SYCP2: variants seen among roughly 807,000 people sequenced by gnomAD.
The protein encoded by SYCP2 is synaptonemal complex protein 2.
Under a neutral mutation model 211.3 loss-of-function variants are expected in SYCP2, and 55 were observed. That is an observed-to-expected ratio of 0.26 (90% CI 0.21 to 0.33). The LOEUF (loss-of-function observed/expected upper bound fraction) is 0.33. SYCP2 is among the 10% of genes least tolerant of loss of function. The pLI is 1.00. For missense variants in SYCP2, 1,731 were observed against 1,752.0 expected (o/e 0.99, Z 0.21); for synonymous variants, 570 against 555.2 (o/e 1.03, Z -0.37).
At position 59,877,455 on chromosome 20, in the gene SYCP2, T is replaced by A. The variant is rs756921080; in HGVS notation, c.3080A>T (p.Asp1027Val). The A allele has an allele frequency of 3.7e-6, 6 of 1,605,894 alleles. No individual in the cohort carries two copies. The highest frequency in any genetic ancestry group is 4.2e-6 in the Non-Finnish European group (5 of 1,177,900). Residue 1027 changes from aspartate (D) to valine (V), a missense_variant, in exon 33 of 45, where the codon GAT becomes GTT. This residue lies in a region of SYCP2 where 1,387 missense variants were observed against 1,351.3 expected (regional missense o/e 1.03). Coordinates refer to ENST00000357552, the MANE Select transcript of SYCP2 (RefSeq NM_014258.4). ...ACACTCTGATTCTGAATTTGAGAGATCTTTATAGTTTTTTTTTGTTTTGGT... is the reference window on the plus strand; with the variant it reads ...ACACTCTGATTCTGAATTTGAGAGAACTTTATAGTTTTTTTTTGTTTTGGT... ...KATKTKKNYK[D>V]LSNSESECEQ...
intron 22 of SYCP2, 90 bp downstream of exon 22, chr20:59,893,052 C>A (rs1437987266): frequency 3.4e-6 from 3 of 883,320 alleles, no homozygotes; most frequent in Non-Finnish European, 3.5e-6. Context: ...TAATTCTAAT[C>A]ATATACAGTC....
chr20:59,865,896 CT>C, intron 41 of SYCP2, 31 bp from the exon 42 acceptor site: 1 of 1,010,644 alleles, frequency 9.9e-7, no homozygotes, highest in Non-Finnish European at 1.4e-6. Flanking sequence ...TTATTTAGTC[CT>C]AAATATTTTA....
At chr20:59,919,222 T>C (rs1470746919) in intron 6 of SYCP2, 40 bp from the exon 7 acceptor site, 1 of 1,020,992 alleles carries the variant, frequency 9.8e-7, no homozygotes, top group East Asian at 2.5e-5. Context: ...CAAGTTACTA[T>C]ATATTACAAA....
chr20:59,864,280 TTAGA>T lies in SYCP2; in HGVS notation c.*27_*30del, dbSNP rs754800693. ...CTCAGTTATATACAGAGAATAATAA[TTAGA>T]TAAAGTATGGTGATAAAAACTAGAT... On this transcript the variant is annotated 3_prime_UTR_variant, in exon 45 of 45. Coordinates refer to ENST00000357552, the MANE Select transcript of SYCP2 (RefSeq NM_014258.4). 2.1e-4 allele frequency: 291 copies of T among 1,405,818 alleles called. 1 individual carries two copies. The Middle Eastern group carries it at 3.2e-3, about 15-fold the overall frequency. The allele number at this position is 1,405,818 out of a possible 1,614,324, so 87.1% of individuals were successfully genotyped here.
chr20:59,867,815 C>T lies in SYCP2; in HGVS notation c.4021G>A (p.Asp1341Asn). 1.2e-6 allele frequency: 2 copies of T among 1,608,984 alleles called. No homozygotes were observed. The highest frequency in any genetic ancestry group is 2.7e-5 in the African/African-American group (2 of 74,722). The change falls in exon 39 of 45, where the codon GAC (aspartate) becomes AAC (asparagine). Residue 1341 changes from aspartate (D) to asparagine (N), a missense_variant. Asp to Asn is a conservative substitution (Grantham distance 23). Coordinates refer to ENST00000357552, the MANE Select transcript of SYCP2 (RefSeq NM_014258.4). ...SESVSSLSTN[D>N]FSIPWETWQN... ...CAGGTCTCCCAAGGAATAGAAAAGT[C>T]ATTTGTTGATAATGAAGATACACTT...
intron 1 of SYCP2, among the ~76,000 whole-genome samples, chr20:59,932,667 C>A (rs1031343742): frequency 1.3e-5 from 2 of 152,134 alleles, no homozygotes; most frequent in Middle Eastern, 3.2e-3. Context: ...GAGCGAGACT[C>A]CGTCTCGGGA....
At chr20:59,864,472 A>G (rs2059291361) in intron 44 of SYCP2, 84 bp from the exon 45 acceptor site, 1 of 898,356 alleles carries the variant, frequency 1.1e-6, no homozygotes, top group African/African-American at 1.7e-5. Context: ...AAAAAAATCA[A>G]GCTGTTATTA....
intron 26 of SYCP2, 25 bp downstream of exon 26, chr20:59,885,903 G>C: frequency 6.4e-7 from 1 of 1,566,946 alleles, no homozygotes. Flanking sequence ...TATAGATTTG[G>C]TGAAGTTAAG....
intron 2 of SYCP2, among the ~76,000 whole-genome samples, chr20:59,927,537 C>T (rs1271601601): frequency 6.6e-6 from 1 of 152,016 alleles, no homozygotes; most frequent in African/African-American, 2.4e-5. Context: ...AGTTCTTCCA[C>T]AATCCAAAGA....
chr20:59,919,549 T>C lies in SYCP2; in HGVS notation c.346A>G (p.Asn116Asp). Residue 116 changes from asparagine to aspartate, a missense_variant, in exon 6 of 45, where the codon AAT (asparagine) becomes GAT (aspartate). By Grantham distance (23) the Asn-to-Asp change is conservative. Coordinates refer to ENST00000357552, the MANE Select transcript of SYCP2 (RefSeq NM_014258.4). The stretch of plus-strand genomic sequence containing the variant: ...TTTAGAACAGCTTCATCTTTTGAAT[T>C]TCCTTGACTCTGAATAATGTCCTTG... ...KSKDIIQSQG[N>D]SKDEAVLNMI... 1.2e-6 allele frequency: 2 copies of C among 1,610,902 alleles called. No homozygotes were observed. The highest frequency in any genetic ancestry group is 8.5e-7 in the Non-Finnish European group (1 of 1,178,060).
At chr20:59,900,713 G>C (rs759625456) in intron 17 of SYCP2, 31 bp downstream of exon 17, 1 of 1,572,074 alleles carries the variant, frequency 6.4e-7, no homozygotes, top group African/African-American at 1.4e-5. Flanking sequence ...ACTTAGCCCA[G>C]TGATAAAAAT....
At chr20:59,907,669 G>C (rs2060237872) in intron 14 of SYCP2, among the ~76,000 whole-genome samples, 1 of 151,952 alleles carries the variant, frequency 6.6e-6, no homozygotes, top group Non-Finnish European at 1.5e-5. Flanking sequence ...CCAAAAAAAA[G>C]AATGACTGTT....
chr20:59,880,374 G>A lies in SYCP2; in HGVS notation c.2870C>T (p.Pro957Leu), dbSNP rs201450022. Residue 957 changes from proline to leucine, a missense_variant, in exon 31 of 45, where the codon CCG (proline) becomes CTG (leucine). Physicochemically the swap from Pro to Leu is moderately conservative, Grantham distance 98. This residue lies in a region of SYCP2 where 1,387 missense variants were observed against 1,351.3 expected (regional missense o/e 1.03). Coordinates refer to ENST00000357552, the MANE Select transcript of SYCP2 (RefSeq NM_014258.4). The part of the protein sequence containing the change: ...SKTDISWLRE[P>L]KSKPQLIDYS... ...GTCTATTAGCTGTGGTTTTGATTTC[G>A]GTTCTCTTAGCCAGCTAATATCAGT... The A allele has an allele frequency of 3.6e-5, 58 of 1,600,434 alleles. No homozygotes were observed. The East Asian group carries it at 6.1e-4, about 17-fold the overall frequency.
chr20:59,867,118 GGA>G (rs1491556951), intron 39 of SYCP2, among the ~76,000 whole-genome samples: 5 of 60,456 alleles, frequency 8.3e-5, no homozygotes, highest in African/African-American at 3.5e-4. Flanking sequence ...GGGGGGGGGG[GGA>G]GGGTGTTGAT....
At chr20:59,878,517 A>G (rs2059604189) in intron 31 of SYCP2, among the ~76,000 whole-genome samples, 1 of 152,192 alleles carries the variant, frequency 6.6e-6, no homozygotes, top group Non-Finnish European at 1.5e-5. Context: ...TAACACCTAT[A>G]AATCTACCAC....
chr20:59,911,611 C>T lies in SYCP2; in HGVS notation c.972+139G>A, dbSNP rs6027193. 2.8e-3 allele frequency: 1,116 copies of T among 399,396 alleles called. 12 individuals carry two copies. The highest frequency in any genetic ancestry group is 0.02 in the African/African-American group (984 of 48,410). The allele number at this position is 399,396 out of a possible 1,614,324, so 24.7% of individuals were successfully genotyped here. A position where few individuals can be genotyped will look rare whatever the true frequency, so the allele number is the denominator to read the frequency against. On this transcript the variant is annotated intron_variant, in intron 14 of 44. Transcript: ENST00000357552. ...ATAATTAGCTTGGTAGGTTGCTATGCTAATCAAACTACTAGAGCTAATATT... is the reference window on the plus strand; with the variant it reads ...ATAATTAGCTTGGTAGGTTGCTATGTTAATCAAACTACTAGAGCTAATATT...
At chr20:59,872,681 A>G (rs1203479553) in intron 35 of SYCP2, among the ~76,000 whole-genome samples, 2 of 152,026 alleles carry the variant, frequency 1.3e-5, no homozygotes, top group Non-Finnish European at 2.9e-5. Flanking sequence ...ATTACTGTAC[A>G]GAGTACAGGT....
In SYCP2 at chr20:59,885,964, A is replaced by G. The variant is rs2059779489; in HGVS notation, c.2493T>C (p.Ser831=). 1 of 1,599,860 alleles carries G rather than the reference A, an allele frequency of 6.3e-7. No individual in the cohort carries two copies. Among genetic ancestry groups the G allele is most frequent in the Non-Finnish European group, 8.5e-7 (1 of 1,174,212 alleles). ...GTACAACAGGTTTGTTTGAAAAACC[A>G]CTGTAAAAAAAGATTTTGTCAAAAT... ...TRKLKESLIN[S]GFSNKPVVQL... is the part of the protein sequence containing the mutation. Residue 831 remains serine, a splice_region_variant and synonymous_variant, in exon 26 of 45, where the codon AGT becomes AGC. Coordinates refer to ENST00000357552, the MANE Select transcript of SYCP2 (RefSeq NM_014258.4).
intron 12 of SYCP2, 88 bp downstream of exon 12, chr20:59,913,887 G>A (rs747471397): frequency 1.1e-6 from 1 of 935,676 alleles, no homozygotes. Flanking sequence ...CAAGAATAAA[G>A]TTAAATGTAT....
Sources: allele counts gnomAD v4.1 joint callset (sites outside exome capture counted in the v4.1 genomes callset), GRCh38; gene constraint gnomAD v4.1.1; regional missense constraint gnomAD v4.1.1; transcripts MANE v1.5; gene names NCBI Gene and HGNC (gene_info 2026-07-23, HGNC 2026-07-21).